Variants in CFAP70 observed in about 807,000 individuals in gnomAD.
CFAP70 encodes cilia- and flagella-associated protein 70.
In CFAP70, 81 loss-of-function variants were observed where a neutral mutation model predicts 137.6. The ratio of observed to expected loss-of-function variants is 0.59; its 90% CI spans 0.49 to 0.71. The LOEUF (loss-of-function observed/expected upper bound fraction) is 0.71, where lower values mean the gene tolerates loss of function less well. CFAP70 is among the 30% of genes least tolerant of loss of function. The pLI, the probability that CFAP70 is intolerant of heterozygous loss-of-function variation, is 0.00. For synonymous variants in CFAP70, 382 were observed against 423.6 expected (o/e 0.90, Z 1.20); for missense variants, 976 against 1,226.7 (o/e 0.80, Z 3.05).
intron 19 of CFAP70, among the ~76,000 whole-genome samples, chr10:73,283,882 TCCTGTACACAAC>T: frequency 6.6e-6 from 1 of 152,196 alleles, no homozygotes; most frequent in Non-Finnish European, 1.5e-5. Context: ...GAAATGAGGT[TCCTGTACACAAC>T]ATATAGTTGA....
At chr10:73,299,794 T>A in intron 12 of CFAP70, 129 bp from the exon 14 acceptor site, 1 of 623,830 alleles carries the variant, frequency 1.6e-6, no homozygotes, top group Non-Finnish European at 2.7e-6. Context: ...CCACTGCACT[T>A]GAGCACTGTG....
intron 8 of CFAP70, among the ~76,000 whole-genome samples, chr10:73,330,100 A>G (rs2132290306): frequency 6.6e-6 from 1 of 152,332 alleles, no homozygotes; most frequent in Admixed American, 6.5e-5. Flanking sequence ...AATTCCAAGC[A>G]TAAAAATAAT....
intron 20 of CFAP70, 43 bp from the exon 22 acceptor site, chr10:73,277,404 GAA>G (rs780198569): frequency 6.3e-7 from 1 of 1,598,742 alleles, no homozygotes; most frequent in Non-Finnish European, 8.5e-7. Context: ...GGATATAACA[GAA>G]AAAGTGTCAG....
chr10:73,339,002 C>T (rs2052984416), intron 6 of CFAP70, among the ~76,000 whole-genome samples: 1 of 151,802 alleles, frequency 6.6e-6, no homozygotes, highest in Non-Finnish European at 1.5e-5. Context: ...TCACTTCAAC[C>T]TCCACCTCCA....
intron 4 of CFAP70, among the ~76,000 whole-genome samples, chr10:73,346,053 C>A (rs1430647772): frequency 6.6e-6 from 1 of 151,350 alleles, no homozygotes; most frequent in Non-Finnish European, 1.5e-5. Context: ...CGCATGCCAC[C>A]ATGCCCAGCT....
At chr10:73,352,041 AGTGGGT>A (rs920792303) in intron 3 of CFAP70, among the ~76,000 whole-genome samples, 23 of 152,338 alleles carry the variant, frequency 1.5e-4, no homozygotes, top group Admixed American at 5.9e-4. Flanking sequence ...CTGATACCAC[AGTGGGT>A]GTGGACTCAT....
At chr10:73,260,316 A>G (rs545430401) in intron 25 of CFAP70, among the ~76,000 whole-genome samples, 1 of 152,336 alleles carries the variant, frequency 6.6e-6, no homozygotes, top group African/African-American at 2.4e-5. Context: ...CCTCAGCAAC[A>G]GAGCAAGACC....
At chr10:73,351,111 A>ATATG (rs2054228446) in intron 3 of CFAP70, among the ~76,000 whole-genome samples, 1 of 90,144 alleles carries the variant, frequency 1.1e-5, no homozygotes, top group Non-Finnish European at 2.0e-5. Context: ...ATATATATAT[A>ATATG]TGTATGTTTT....
At chr10:73,338,581 C>T (rs1290773149) in intron 6 of CFAP70, among the ~76,000 whole-genome samples, 2 of 151,668 alleles carry the variant, frequency 1.3e-5, no homozygotes, top group East Asian at 1.9e-4. Flanking sequence ...CAGATGTGTG[C>T]CACTACACCC....
intron 24 of CFAP70, among the ~76,000 whole-genome samples, chr10:73,272,262 G>A (rs1247619405): frequency 6.6e-6 from 1 of 152,110 alleles, no homozygotes; most frequent in Non-Finnish European, 1.5e-5. Flanking sequence ...TTGAACCCAG[G>A]AGGCAGAGGT....
intron 24 of CFAP70, among the ~76,000 whole-genome samples, chr10:73,270,528 T>C (rs1287296199): frequency 9.3e-5 from 3 of 32,102 alleles, no homozygotes; most frequent in African/African-American, 1.3e-4. Context: ...CCCCTCCCCC[T>C]CCCCTCCCCT....
chr10:73,303,608 G>A (rs2049132747), intron 12 of CFAP70, among the ~76,000 whole-genome samples: 1 of 151,960 alleles, frequency 6.6e-6, no homozygotes, highest in Non-Finnish European at 1.5e-5. Context: ...AAAACTTATT[G>A]CTAATAACTG....
intron 8 of CFAP70, among the ~76,000 whole-genome samples, chr10:73,324,088 G>A (rs1464505118): frequency 6.6e-6 from 1 of 152,182 alleles, no homozygotes; most frequent in Non-Finnish European, 1.5e-5. Flanking sequence ...GCACCCCCTA[G>A]TAGGGGCAGA....
chr10:73,327,534 G>C (rs1185943745), intron 8 of CFAP70, among the ~76,000 whole-genome samples: 1 of 151,846 alleles, frequency 6.6e-6, no homozygotes, highest in Non-Finnish European at 1.5e-5. Flanking sequence ...ATTAGGAAAA[G>C]AGGAAGTCAA....
exon 10 of CFAP70, chr10:73,312,504 T>C: frequency 6.2e-7 from 1 of 1,611,906 alleles, no homozygotes; most frequent in Non-Finnish European, 8.5e-7. Context: ...TCCATCTATA[T>C]CCTTTTCTTT....
intron 8 of CFAP70, 35 bp downstream of exon 9, chr10:73,331,142 T>C (rs768070850): frequency 1.4e-6 from 2 of 1,471,260 alleles, no homozygotes; most frequent in Non-Finnish European, 1.9e-6. Flanking sequence ...GATTCTACAT[T>C]TCTTATATAA....
chr10:73,318,910 A>C (rs2050618840), intron 9 of CFAP70, among the ~76,000 whole-genome samples: 1 of 152,126 alleles, frequency 6.6e-6, no homozygotes, highest in Non-Finnish European at 1.5e-5. Flanking sequence ...TTTTTGCAAA[A>C]AGTTTTTACC....
Position 73,351,320 on chromosome 10 carries a change from G to A in CFAP70, c.250+2236C>T, listed in dbSNP as rs192168820. ...TTTTTACTTGAGACGGGGTTTCACC[G>A]TGTTAGCCAGGATGGTCTCGATCTC... On this transcript the variant is annotated intron_variant, in intron 3 of 26. Transcript: ENST00000310715. 8.3e-3 allele frequency among the ~76,000 whole-genome samples: 1,258 copies of A among 151,596 alleles called. 18 individuals carry two copies. The highest frequency in any genetic ancestry group is 0.027 in the African/African-American group (1,121 of 41,322).
intron 8 of CFAP70, among the ~76,000 whole-genome samples, chr10:73,327,134 C>T (rs1416832797): frequency 6.8e-6 from 1 of 148,036 alleles, no homozygotes; most frequent in African/African-American, 2.5e-5. Context: ...AAAAGCTTAT[C>T]CACCATGATC....
Sources: allele counts gnomAD v4.1 joint callset (sites outside exome capture counted in the v4.1 genomes callset), GRCh38; gene constraint gnomAD v4.1.1; transcripts MANE v1.5; gene names NCBI Gene and HGNC (gene_info 2026-07-23, HGNC 2026-07-21).